The following LIMD1 variants were observed in gnomAD, a reference collection of about 807,000 sequenced individuals.
LIMD1 encodes the protein LIM domain-containing protein 1.
LIMD1 carries 23 observed loss-of-function variants against 58.4 expected under a neutral mutation model. The observed-to-expected ratio is 0.39, with a 90% confidence interval of 0.28 to 0.56. LIMD1 has a LOEUF of 0.56. Among genes scored for constraint, LIMD1 ranks in the 20% least tolerant of loss-of-function variants. The probability of loss-of-function intolerance (pLI) is 0.57; values close to 1 mark genes in which losing one functional copy is unlikely to be tolerated. For synonymous variants in LIMD1, 334 were observed against 345.5 expected (o/e 0.97, Z 0.37); for missense variants, 838 against 855.5 (o/e 0.98, Z 0.25).
At chr3:45,649,511 C>T (rs904062812) in intron 2 of LIMD1, among the ~76,000 whole-genome samples, 2 of 151,188 alleles carry the variant, frequency 1.3e-5, no homozygotes, top group African/African-American at 4.9e-5. Flanking sequence ...GAAACCCCGT[C>T]TCTACTAAAA....
rs1280753994 is a variant in LIMD1, at chr3:45,596,123, G to A, written c.1244G>A (p.Gly415Glu). Residue 415 changes from glycine to glutamate, a missense_variant, in exon 1 of 8, where the codon GGA (glycine) becomes GAA (glutamate). By Grantham distance (98) the Gly-to-Glu change is moderately conservative (BLOSUM62 -2). Coordinates refer to ENST00000273317, the MANE Select transcript of LIMD1 (RefSeq NM_014240.3). ...PLGWSSDGSL[G>E]SVLLDSPSSP... ...GGCTGGTCTTCTGATGGTAGCCTGG[G>A]ATCTGTGCTCCTGGACAGCCCCAGC... 5 of 1,614,188 alleles carry A rather than the reference G, an allele frequency of 3.1e-6. No homozygotes were observed. In the Admixed American group the frequency reaches 6.7e-5, roughly 22 times the overall value.
chr3:45,654,986 C>G (rs1232055700), intron 2 of LIMD1, among the ~76,000 whole-genome samples: 2 of 149,496 alleles, frequency 1.3e-5, no homozygotes, highest in Admixed American at 6.7e-5. Flanking sequence ...ATGGTGCAAT[C>G]TCAGCTCACT....
intron 4 of LIMD1, among the ~76,000 whole-genome samples, chr3:45,670,400 T>C (rs1042593803): frequency 2.0e-5 from 3 of 152,200 alleles, no homozygotes; most frequent in African/African-American, 4.8e-5. Flanking sequence ...ATCATCATGC[T>C]TCATGCTGTG....
chr3:45,629,938 G>T (rs749605976), intron 1 of LIMD1, among the ~76,000 whole-genome samples: 26 of 152,154 alleles, frequency 1.7e-4, no homozygotes, highest in Non-Finnish European at 2.9e-4. Flanking sequence ...CTTTAAATAG[G>T]TACAGCTTAT....
Position 45,683,485 on chromosome 3 carries a change from GC to G in LIMD1, c.*6428del, listed in dbSNP as rs1252708270. ...CCACAACCAATCAGACTGGTCTTAG[GC>G]CAAGTCTTCATTTGCCTAGGAGTAT... On this transcript the variant is annotated 3_prime_UTR_variant, in exon 8 of 8. Coordinates refer to ENST00000273317, the MANE Select transcript of LIMD1 (RefSeq NM_014240.3). 6.6e-6 allele frequency: 1 copy of G among 152,002 alleles called. No homozygotes were observed. Among genetic ancestry groups the G allele is most frequent in the Non-Finnish European group, 1.5e-5 (1 of 68,022 alleles). The allele number at this position is 152,002 out of a possible 1,614,324, so 9.4% of individuals were successfully genotyped here.
intron 2 of LIMD1, among the ~76,000 whole-genome samples, chr3:45,652,192 G>T (rs545607182): frequency 6.6e-6 from 1 of 152,298 alleles, no homozygotes; most frequent in Non-Finnish European, 1.5e-5. Context: ...CTCCCTAAGT[G>T]CTGGCATTAC....
intron 1 of LIMD1, among the ~76,000 whole-genome samples, chr3:45,612,022 G>A (rs76737030): frequency 3.2e-3 from 490 of 151,934 alleles, no homozygotes; most frequent in African/African-American, 9.6e-3. Flanking sequence ...TGGTGTTGAG[G>A]AAGCTAGCAT....
At chr3:45,600,044 G>T (rs113547021) in intron 1 of LIMD1, among the ~76,000 whole-genome samples, 1 of 152,184 alleles carries the variant, frequency 6.6e-6, no homozygotes, top group East Asian at 1.9e-4. Context: ...CAGCTGAGGG[G>T]CTCCCTCCCA....
Position 45,682,190 on chromosome 3 carries a change from A to G in LIMD1, c.*5131A>G, listed in dbSNP as rs1697754072. On this transcript the variant is annotated 3_prime_UTR_variant, in exon 8 of 8. Transcript: ENST00000273317. ...GTTTTTTTTTTCTTTTTAAGTGATGAGAGAATGGCTAGTCTGATTTTGCCA... is the reference window on the plus strand; with the variant it reads ...GTTTTTTTTTTCTTTTTAAGTGATGGGAGAATGGCTAGTCTGATTTTGCCA... The G allele has an allele frequency of 2.0e-5, 3 of 152,112 alleles. No individual in the cohort carries two copies. Among genetic ancestry groups the G allele is most frequent in the Non-Finnish European group, 2.9e-5 (2 of 68,016 alleles). 9.4% of individuals were successfully genotyped at this position (152,112 alleles called of 1,614,324 possible). A position where few individuals can be genotyped will look rare whatever the true frequency, so the allele number is the denominator to read the frequency against.
intron 1 of LIMD1, among the ~76,000 whole-genome samples, chr3:45,628,016 A>AAAAAAG (rs1375759848): frequency 2.0e-5 from 2 of 101,670 alleles, no homozygotes; most frequent in Non-Finnish European, 5.0e-5. Context: ...TCAAAAAAAA[A>AAAAAAG]AAAGAAAAAA....
chr3:45,660,980 G>T (rs1166713728), intron 2 of LIMD1, among the ~76,000 whole-genome samples: 1 of 152,112 alleles, frequency 6.6e-6, no homozygotes, highest in African/African-American at 2.4e-5. Flanking sequence ...AGACATTCTT[G>T]GTACCTTAGT....
chr3:45,674,464 A>G (rs1239527906), intron 7 of LIMD1, 53 bp downstream of exon 7: 16 of 1,436,584 alleles, frequency 1.1e-5, no homozygotes, highest in Non-Finnish European at 1.6e-5. Context: ...TCCAAGAGAA[A>G]AGCATCCTGC....
chr3:45,635,482 G>C lies in LIMD1; in HGVS notation c.1409-668G>C, dbSNP rs1701776832. On this transcript the variant is annotated intron_variant, in intron 1 of 7. Coordinates refer to ENST00000273317, the MANE Select transcript of LIMD1 (RefSeq NM_014240.3). ...GAGGAGCTGCTGGTAGAAGGGCAGGGAAGAGCACTTGCTTGCAGTCTGACA... is the reference window on the plus strand; with the variant it reads ...GAGGAGCTGCTGGTAGAAGGGCAGGCAAGAGCACTTGCTTGCAGTCTGACA... 2.0e-5 allele frequency among the ~76,000 whole-genome samples: 3 copies of C among 152,042 alleles called. No homozygotes were observed. The South Asian group carries it at 6.2e-4, about 32-fold the overall frequency.
chr3:45,629,609 A>G (rs1421745491), intron 1 of LIMD1, among the ~76,000 whole-genome samples: 1 of 152,084 alleles, frequency 6.6e-6, no homozygotes, highest in Non-Finnish European at 1.5e-5. Flanking sequence ...CCTTGCTCCC[A>G]TCCTGGGCCT....
chr3:45,643,579 T>C lies in LIMD1; in HGVS notation c.1510+7328T>C, dbSNP rs535910765. 5.9e-5 allele frequency among the ~76,000 whole-genome samples: 9 copies of C among 152,336 alleles called. No individual in the cohort carries two copies. In the East Asian group the frequency reaches 1.7e-3, roughly 29 times the overall value. ...TGAGGTTTAAAAACTAAGACGTTCA[T>C]TTCACAGACTAAACAAATTCCATCC... On this transcript the variant is annotated intron_variant, in intron 2 of 7. Transcript: ENST00000273317.
intron 1 of LIMD1, among the ~76,000 whole-genome samples, chr3:45,621,222 T>G (rs972029300): frequency 2.6e-5 from 4 of 151,910 alleles, no homozygotes; most frequent in African/African-American, 7.2e-5. Flanking sequence ...CCCCTCTCTT[T>G]TTTCCTTTCC....
intron 1 of LIMD1, among the ~76,000 whole-genome samples, chr3:45,613,784 C>T (rs1426773173): frequency 3.9e-5 from 6 of 152,076 alleles, no homozygotes; most frequent in Admixed American, 1.3e-4. Context: ...AGGCATGAGC[C>T]ACTGCACCTT....
intron 1 of LIMD1, among the ~76,000 whole-genome samples, chr3:45,624,254 G>A (rs1701650217): frequency 6.6e-6 from 1 of 152,102 alleles, no homozygotes; most frequent in Non-Finnish European, 1.5e-5. Context: ...TCATAGCTAT[G>A]TGATCTTGCA....
rs2578677 is a variant in LIMD1 at position 45,684,291 on chromosome 3, C to G, written c.*7232C>G. On this transcript the variant is annotated 3_prime_UTR_variant, in exon 8 of 8. Transcript: ENST00000273317. ...GCTCTCAAGGACAGGTGGTTCTGGG[C>G]CCTGTGTTGCCCATGAGACTTGGTC... The G allele has an allele frequency of 0.92, 139,579 of 152,310 alleles. 63,979 individuals carry two copies. The highest frequency in any genetic ancestry group is 0.97 in the South Asian group (4,705 of 4,830). 9.4% of individuals were successfully genotyped at this position (152,310 alleles called of 1,614,324 possible).
Sources: allele counts gnomAD v4.1 joint callset (sites outside exome capture counted in the v4.1 genomes callset), GRCh38; gene constraint gnomAD v4.1.1; transcripts MANE v1.5; gene names NCBI Gene and HGNC (gene_info 2026-07-23, HGNC 2026-07-21).